Variants in ATAT1 observed in about 807,000 individuals in gnomAD.
The protein encoded by ATAT1 is alpha tubulin acetyltransferase 1.
ATAT1 carries 42 observed loss-of-function variants against 57.2 expected under a neutral mutation model. That is an observed-to-expected ratio of 0.73 (90% CI 0.57 to 0.95). The LOEUF (loss-of-function observed/expected upper bound fraction) is 0.95, where lower values mean the gene tolerates loss of function less well. ATAT1 is among the 40% of genes least tolerant of loss of function. The pLI, the probability that ATAT1 is intolerant of heterozygous loss-of-function variation, is 0.00. For missense variants in ATAT1, 454 were observed against 523.7 expected (o/e 0.87, Z 1.30); for synonymous variants, 168 against 187.1 (o/e 0.90, Z 0.83).
rs534634212 is a variant in ATAT1 at position 30,645,575 on chromosome 6, G to A, written c.933-320G>A. On this transcript the variant is annotated intron_variant, in intron 10 of 12. Transcript: ENST00000330083. ...TTCCAAACCAAACACCAGAGTACCCGATCCAACACATTTTTGACCACATGT... is the reference window on the plus strand; with the variant it reads ...TTCCAAACCAAACACCAGAGTACCCAATCCAACACATTTTTGACCACATGT... 1.8e-4 allele frequency among the ~76,000 whole-genome samples: 28 copies of A among 152,196 alleles called. No homozygotes were observed. In the South Asian group the frequency reaches 3.5e-3, roughly 19 times the overall value.
At chr6:30,633,458 G>A (rs1763344085) in intron 6 of ATAT1, among the ~76,000 whole-genome samples, 1 of 152,172 alleles carries the variant, frequency 6.6e-6, no homozygotes, top group Non-Finnish European at 1.5e-5. Flanking sequence ...ACCCCCAACT[G>A]GCTGCTCTGA....
intron 6 of ATAT1, among the ~76,000 whole-genome samples, chr6:30,629,684 A>G (rs936643879): frequency 1.3e-5 from 2 of 152,166 alleles, no homozygotes; most frequent in African/African-American, 4.8e-5. Context: ...AGCTGGGACT[A>G]CAGGTGCCCA....
At position 30,642,833 on chromosome 6, in the gene ATAT1, G is replaced by GGGCGGCCCCCCC; in HGVS notation, c.754_755insGGCGGCCCCCCC (p.Ala252delinsGlyArgProProPro). ...GGCCCCTCGCCGCGCCACACCTCCA[G>GGGCGGCCCCCCC]CCCACCCACCCCCCCGCTCCAGCAG... On this transcript the variant is annotated protein_altering_variant, in exon 10 of 13. Transcript: ENST00000330083. The GGGCGGCCCCCCC allele has an allele frequency of 6.5e-7, 1 of 1,537,878 alleles. No homozygotes were observed. Among genetic ancestry groups the GGGCGGCCCCCCC allele is most frequent in the African/African-American group, 1.6e-5 (1 of 61,252 alleles).
At chr6:30,627,990 G>A in intron 4 of ATAT1, 42 bp from the exon 5 acceptor site, 1 of 1,608,986 alleles carries the variant, frequency 6.2e-7, no homozygotes, top group East Asian at 2.2e-5. Flanking sequence ...GGGCAGCAGA[G>A]ATGCCGGGGT....
At chr6:30,644,751 ACTTC>A in intron 10 of ATAT1, 1 of 613,058 alleles carries the variant, frequency 1.6e-6, no homozygotes, top group Non-Finnish European at 2.0e-6. Context: ...CTCATTTCTC[ACTTC>A]TGAGATCTGC....
intron 8 of ATAT1, 167 bp from the exon 9 acceptor site, chr6:30,642,009 A>T (rs1765553190): frequency 6.7e-7 from 1 of 1,491,668 alleles, no homozygotes; most frequent in Non-Finnish European, 8.9e-7. Flanking sequence ...TTCCCCTCAA[A>T]TTCCCTTTTG....
intron 1 of ATAT1, 128 bp from the exon 2 acceptor site, chr6:30,627,332 C>G: frequency 6.2e-7 from 1 of 1,611,312 alleles, no homozygotes. Flanking sequence ...TGGAAGACTC[C>G]CAGGCAAAGG....
At chr6:30,630,103 C>T (rs1762529518) in intron 6 of ATAT1, among the ~76,000 whole-genome samples, 1 of 152,018 alleles carries the variant, frequency 6.6e-6, no homozygotes, top group Non-Finnish European at 1.5e-5. Context: ...GAATGGTTTA[C>T]TCAATGAAAC....
chr6:30,642,029 C>G, intron 8 of ATAT1, 147 bp from the exon 9 acceptor site: 1 of 1,526,128 alleles, frequency 6.6e-7, no homozygotes, highest in Non-Finnish European at 8.8e-7. Context: ...GGTGTGCTGG[C>G]ATTGCCATGG....
chr6:30,646,530 G>T lies in ATAT1; in HGVS notation c.1117G>T (p.Ala373Ser), dbSNP rs905488943. The T allele has an allele frequency of 6.3e-7, 1 of 1,593,508 alleles. No homozygotes were observed. The highest frequency in any genetic ancestry group is 8.5e-7 in the Non-Finnish European group (1 of 1,170,450). Residue 373 changes from alanine to serine, a missense_variant, in exon 13 of 13, where the codon GCT becomes TCT. Ala to Ser is a moderately conservative substitution (Grantham distance 99). Coordinates refer to ENST00000330083, the MANE Select transcript of ATAT1 (RefSeq NM_001031722.4). The stretch of plus-strand genomic sequence containing the variant: ...GTCTGGGGAGAAGCCCATGCACACA[G>T]CTCCTCCACAGGCCCCGGCCCCGCC...
At chr6:30,639,367 T>C (rs1454964432) in intron 6 of ATAT1, among the ~76,000 whole-genome samples, 3 of 152,214 alleles carry the variant, frequency 2.0e-5, no homozygotes, top group African/African-American at 7.2e-5. Context: ...TCTTAAATTG[T>C]GTTCTTTTTT....
At chr6:30,641,868 A>AC in intron 8 of ATAT1, 1 of 1,196,370 alleles carries the variant, frequency 8.4e-7, no homozygotes, top group Non-Finnish European at 1.0e-6. Context: ...GCACCCACTG[A>AC]CAGTAAGAGC....
intron 10 of ATAT1, 114 bp downstream of exon 10, chr6:30,643,125 G>A (rs192790586): frequency 6.6e-7 from 1 of 1,512,332 alleles, no homozygotes; most frequent in Non-Finnish European, 8.8e-7. Flanking sequence ...GGTGGCTTGG[G>A]GGGGGTCCTG....
intron 6 of ATAT1, 38 bp downstream of exon 6, chr6:30,628,468 C>A: frequency 6.7e-7 from 1 of 1,497,310 alleles, no homozygotes; most frequent in Non-Finnish European, 9.3e-7. Flanking sequence ...ACTGAGCATT[C>A]CCATTGAATT....
Position 30,641,106 on chromosome 6 carries a change from T to TACACACACAC in ATAT1, c.616+504_616+505insCACACACACA, listed in dbSNP as rs1262818896. ...AATGCTGTCCAGATTCCCCATCCCATATACACACATACACACACACACACA... is the reference window on the plus strand; with the variant it reads ...AATGCTGTCCAGATTCCCCATCCCATACACACACACATACACACATACACACACACACACA... On this transcript the variant is annotated intron_variant, in intron 8 of 12. Coordinates refer to ENST00000330083, the MANE Select transcript of ATAT1 (RefSeq NM_001031722.4). 7.7e-4 allele frequency among the ~76,000 whole-genome samples: 108 copies of TACACACACAC among 140,940 alleles called. 1 individual carries two copies. The highest frequency in any genetic ancestry group is 2.7e-3 in the African/African-American group (102 of 38,112). 92.5% of individuals were successfully genotyped at this position (140,940 alleles called of 152,430 possible). A position where few individuals can be genotyped will look rare whatever the true frequency, so the allele number is the denominator to read the frequency against.
chr6:30,632,178 A>C (rs1763029621), intron 6 of ATAT1, among the ~76,000 whole-genome samples: 5 of 151,564 alleles, frequency 3.3e-5, no homozygotes, highest in Admixed American at 3.3e-4. Flanking sequence ...GAGGCAGGAG[A>C]ATCACTAGAA....
chr6:30,627,822 G>C, intron 3 of ATAT1, 29 bp from the exon 4 acceptor site: 4 of 1,610,954 alleles, frequency 2.5e-6, no homozygotes, highest in Non-Finnish European at 2.5e-6. Context: ...GATACCACTA[G>C]CCTGTTCATT....
intron 6 of ATAT1, 119 bp downstream of exon 6, chr6:30,628,549 C>A (rs896463578): frequency 5.2e-6 from 4 of 767,438 alleles, no homozygotes; most frequent in Non-Finnish European, 8.4e-6. Context: ...TACAACCAGG[C>A]TCTTTCTTTC....
intron 9 of ATAT1, 86 bp from the exon 10 acceptor site, chr6:30,642,681 CT>C (rs1301630014): frequency 2.3e-6 from 2 of 861,144 alleles, no homozygotes; most frequent in South Asian, 1.5e-5. Flanking sequence ...TCAGATTTCT[CT>C]TTTTTTCTAC....
Sources: allele counts gnomAD v4.1 joint callset (sites outside exome capture counted in the v4.1 genomes callset), GRCh38; gene constraint gnomAD v4.1.1; transcripts MANE v1.5; gene names NCBI Gene and HGNC (gene_info 2026-07-23, HGNC 2026-07-21).